Variants in PRKAG2 observed in about 807,000 individuals in gnomAD.
PRKAG2 encodes protein kinase AMP-activated non-catalytic subunit gamma 2, also known as 5'-AMP-activated protein kinase subunit gamma-2.
In PRKAG2, 26 loss-of-function variants were observed where a neutral mutation model predicts 69.6. The observed-to-expected ratio is 0.37, with a 90% CI of 0.27 to 0.52. The LOEUF (loss-of-function observed/expected upper bound fraction) is 0.52, where lower values mean the gene tolerates loss of function less well. PRKAG2 is among the 20% of genes least tolerant of loss of function. The probability of loss-of-function intolerance (pLI) is 0.90; values close to 1 mark genes in which losing one functional copy is unlikely to be tolerated. For synonymous variants in PRKAG2, 293 were observed against 285.0 expected (o/e 1.03, Z -0.28); for missense variants, 557 against 740.0 (o/e 0.75, Z 2.87).
At position 151,559,260 on chromosome 7, in the gene PRKAG2, G is replaced by A. The variant is rs140432416; in HGVS notation, c.1678+1264C>T. The A allele has an allele frequency of 5.5e-3, 5,324 of 975,630 alleles. 19 individuals carry two copies. The highest frequency in any genetic ancestry group is 6.1e-3 in the Non-Finnish European group (4,968 of 821,042). The allele number at this position is 975,630 out of a possible 1,614,324, so 60.4% of individuals were successfully genotyped here. On this transcript the variant is annotated intron_variant, in intron 15 of 15. Transcript: ENST00000287878. Reference sequence around the variant, plus strand: ...TTTCAATCCTGTATCGTATTCCATCGAATGAATGTGACACAATTTATCCAT... The same window carrying A: ...TTTCAATCCTGTATCGTATTCCATCAAATGAATGTGACACAATTTATCCAT...
chr7:151,593,722 T>C (rs1336614259), intron 6 of PRKAG2, among the ~76,000 whole-genome samples: 4 of 152,138 alleles, frequency 2.6e-5, no homozygotes, highest in Admixed American at 1.3e-4. Flanking sequence ...TACTATAAGA[T>C]TGTATTTGGA....
chr7:151,823,981 G>A (rs938125955), intron 1 of PRKAG2, among the ~76,000 whole-genome samples: 23 of 152,204 alleles, frequency 1.5e-4, no homozygotes, highest in African/African-American at 5.5e-4. Flanking sequence ...CGGGGAAACA[G>A]GCATAGAGAG....
At chr7:151,826,737 A>G (rs1356103633) in intron 1 of PRKAG2, among the ~76,000 whole-genome samples, 2 of 152,228 alleles carry the variant, frequency 1.3e-5, no homozygotes, top group East Asian at 3.8e-4. Context: ...CCCTCTTCCA[A>G]CATTCTCCAT....
At chr7:151,615,662 GC>G (rs1217573845) in intron 5 of PRKAG2, among the ~76,000 whole-genome samples, 1 of 152,088 alleles carries the variant, frequency 6.6e-6, no homozygotes, top group Non-Finnish European at 1.5e-5. Flanking sequence ...TACAAAGGAT[GC>G]ATCCAACAAA....
chr7:151,870,915 C>A (rs892336277), intron 1 of PRKAG2, among the ~76,000 whole-genome samples: 2 of 152,242 alleles, frequency 1.3e-5, no homozygotes, highest in Admixed American at 1.3e-4. Context: ...AGCGACTGTG[C>A]AGGCTTTCTG....
chr7:151,835,776 G>A lies in PRKAG2; in HGVS notation c.114+40731C>T, dbSNP rs1325421829. ...CATTGGTCTGGATCGGACATCCCGGGGGCTCTCGTGGGCAGCCTGGTGATG... is the reference window on the plus strand; with the variant it reads ...CATTGGTCTGGATCGGACATCCCGGAGGCTCTCGTGGGCAGCCTGGTGATG... On this transcript the variant is annotated intron_variant, in intron 1 of 15. Coordinates refer to ENST00000287878, the MANE Select transcript of PRKAG2 (RefSeq NM_016203.4). The surrounding 1 kb of genome is among the most constrained non-coding windows in gnomAD (Gnocchi z 4.1). Among the ~76,000 whole-genome samples the A allele has an allele frequency of 6.6e-6, 1 of 152,200 alleles. No homozygotes were observed. Among genetic ancestry groups the A allele is most frequent in the African/African-American group, 2.4e-5 (1 of 41,448 alleles).
chr7:151,652,637 A>G (rs1477063389), intron 4 of PRKAG2, among the ~76,000 whole-genome samples: 1 of 152,182 alleles, frequency 6.6e-6, no homozygotes, highest in Non-Finnish European at 1.5e-5. Context: ...TATCCAAAAA[A>G]GCCCATTGGG....
chr7:151,807,303 CAATCT>C lies in PRKAG2; in HGVS notation c.115-20767_115-20763del. On this transcript the variant is annotated intron_variant, in intron 1 of 15. Transcript: ENST00000287878. This position sits in a 1 kb window ranked among gnomAD's most constrained non-coding sequence, Gnocchi z 4.4. ...CATGGGATAGGGGAAGAAAAACAAG[CAATCT>C]ACAGAACGTGGGAAAATGCCTATAT... 2.4e-6 allele frequency: 1 copy of C among 409,894 alleles called. No individual in the cohort carries two copies. The highest frequency in any genetic ancestry group is 2.6e-5 in the Admixed American group (1 of 38,646). 25.4% of individuals were successfully genotyped at this position (409,894 alleles called of 1,614,324 possible).
Position 151,876,778 on chromosome 7 carries a change from C to T in PRKAG2, c.-158G>A. ...GGAGAGGGAGGGTGAGCAGGGAACT[C>T]GCGCGGCCGCCGCCGCCGCCGAAGC... On this transcript the variant is annotated 5_prime_UTR_variant, in exon 1 of 16. Coordinates refer to ENST00000287878, the MANE Select transcript of PRKAG2 (RefSeq NM_016203.4). 1 of 741,964 alleles carries T rather than the reference C, an allele frequency of 1.3e-6. No homozygotes were observed. Among genetic ancestry groups the T allele is most frequent in the Non-Finnish European group, 2.3e-6 (1 of 440,006 alleles). The allele number at this position is 741,964 out of a possible 1,614,324, so 46.0% of individuals were successfully genotyped here. A position where few individuals can be genotyped will look rare whatever the true frequency, so the allele number is the denominator to read the frequency against.
rs185826555 is a variant in PRKAG2 at position 151,807,707 on chromosome 7, T to C, written c.115-21166A>G. 174 of 424,706 alleles carry C rather than the reference T, an allele frequency of 4.1e-4. 1 individual carries two copies. The highest frequency in any genetic ancestry group is 3.3e-3 in the African/African-American group (166 of 49,554). 26.3% of individuals were successfully genotyped at this position (424,706 alleles called of 1,614,324 possible). A position where few individuals can be genotyped will look rare whatever the true frequency, so the allele number is the denominator to read the frequency against. On this transcript the variant is annotated intron_variant, in intron 1 of 15. Transcript: ENST00000287878. The surrounding 1 kb of genome is among the most constrained non-coding windows in gnomAD (Gnocchi z 4.4). ...CACTGCCTATTCCCGGGCCCCTCAC[T>C]TGGGTCAAGGCAGCATTTCAGAGGA...
At chr7:151,660,767 A>G (rs972295494) in intron 4 of PRKAG2, among the ~76,000 whole-genome samples, 2 of 152,280 alleles carry the variant, frequency 1.3e-5, no homozygotes, top group African/African-American at 4.8e-5. Flanking sequence ...AAGGAACAAC[A>G]AAAGTTAGAC....
chr7:151,726,239 A>G (rs1797923240), intron 3 of PRKAG2, among the ~76,000 whole-genome samples: 1 of 152,110 alleles, frequency 6.6e-6, no homozygotes, highest in South Asian at 2.1e-4. Context: ...CTCAACTACC[A>G]GGTGAGGCAA....
chr7:151,860,329 G>T (rs6955784), intron 1 of PRKAG2, among the ~76,000 whole-genome samples: 40,821 of 152,038 alleles, frequency 0.27, 5,747 homozygotes, highest in Middle Eastern at 0.3. Flanking sequence ...AGAACTTCTT[G>T]CAAACATCTC....
chr7:151,742,382 CT>C (rs2073952415), intron 3 of PRKAG2, among the ~76,000 whole-genome samples: 1 of 152,162 alleles, frequency 6.6e-6, no homozygotes, highest in Non-Finnish European at 1.5e-5. Flanking sequence ...AATCCCAGCA[CT>C]TTGGGAGGCT....
chr7:151,736,385 T>A, intron 3 of PRKAG2: 1 of 73,796 alleles, frequency 1.4e-5, no homozygotes, highest in Non-Finnish European at 1.6e-5. Context: ...CTCCAGGGCT[T>A]TTTTTTTTTT....
chr7:151,696,065 C>T (rs1427972381), intron 3 of PRKAG2, among the ~76,000 whole-genome samples: 1 of 152,202 alleles, frequency 6.6e-6, no homozygotes. Context: ...AACACATCCC[C>T]GGAAGCCCAG....
rs141581335 is a variant in PRKAG2, at chr7:151,693,025, G to T, written c.467-17388C>A. 1.5e-3 allele frequency among the ~76,000 whole-genome samples: 231 copies of T among 152,336 alleles called. 1 individual carries two copies. Among genetic ancestry groups the T allele is most frequent in the African/African-American group, 5.4e-3 (223 of 41,572 alleles). On this transcript the variant is annotated intron_variant, in intron 3 of 15. Coordinates refer to ENST00000287878, the MANE Select transcript of PRKAG2 (RefSeq NM_016203.4). ...GCTGTTGGGAGAAGGGGAGGGGGCAGGAGAGAGCTGAAAGGTTAGGCTGGG... is the reference window on the plus strand; with the variant it reads ...GCTGTTGGGAGAAGGGGAGGGGGCATGAGAGAGCTGAAAGGTTAGGCTGGG...
Position 151,558,270 on chromosome 7 carries a change from A to C in PRKAG2, c.1679-1038T>G, listed in dbSNP as rs1804203064. 6 of 985,322 alleles carry C rather than the reference A, an allele frequency of 6.1e-6. No homozygotes were observed. The African/African-American group carries it at 8.7e-5, about 14-fold the overall frequency. 61.0% of individuals were successfully genotyped at this position (985,322 alleles called of 1,614,324 possible). A position where few individuals can be genotyped will look rare whatever the true frequency, so the allele number is the denominator to read the frequency against. The stretch of plus-strand genomic sequence containing the variant: ...CCATTGCCCGATGAAAAGAATCACC[A>C]CTAGTACCTTCTAATCGAGTAACAG... On this transcript the variant is annotated intron_variant, in intron 15 of 15. Coordinates refer to ENST00000287878, the MANE Select transcript of PRKAG2 (RefSeq NM_016203.4).
At chr7:151,779,772 C>T (rs555334155) in intron 3 of PRKAG2, among the ~76,000 whole-genome samples, 9 of 152,322 alleles carry the variant, frequency 5.9e-5, no homozygotes, top group South Asian at 2.1e-4. Context: ...AGGCAAACTG[C>T]GCACACATCC....
Sources: gnomAD v4.1 joint callset for allele counts (sites outside exome capture counted in the v4.1 genomes callset) on GRCh38, gnomAD v4.1.1 for gene constraint, Gnocchi (gnomAD v3.1) non-coding constraint, MANE v1.5 for transcripts, NCBI Gene and HGNC (gene_info 2026-07-23, HGNC 2026-07-21) for gene names.